The following ARG1 variants were observed in gnomAD, a reference collection of about 807,000 sequenced individuals.
ARG1 encodes arginase-1.
A neutral mutation model predicts 33.0 loss-of-function variants in ARG1; 20 were observed. The ratio of observed to expected loss-of-function variants is 0.61; its 90% CI spans 0.43 to 0.88. The LOEUF (loss-of-function observed/expected upper bound fraction) is 0.88. Ranked by LOEUF, ARG1 falls within the 40% of genes least tolerant of loss-of-function variation. The probability of loss-of-function intolerance (pLI) is 0.00; values close to 1 mark genes in which losing one functional copy is unlikely to be tolerated. For synonymous variants in ARG1, 146 were observed against 140.6 expected, an observed-to-expected ratio of 1.04 and a Z score of -0.27; for missense variants, 374 against 384.7, an observed-to-expected ratio of 0.97 and a Z score of 0.23.
In ARG1 at chr6:131,573,289, G is replaced by C. The variant is rs558377642; in HGVS notation, c.7G>C (p.Ala3Pro). Reference sequence around the variant, plus strand: ...CAAAGAGAAGTGTCAGAGCATGAGCGCCAAGTCCAGAACCATAGGGATTAT... The same window carrying C: ...CAAAGAGAAGTGTCAGAGCATGAGCCCCAAGTCCAGAACCATAGGGATTAT... MS[A>P]KSRTIGIIGA... The change falls in exon 1 of 8, where the codon GCC becomes CCC. Residue 3 changes from alanine (A) to proline (P), a missense_variant. Physicochemically the swap from Ala to Pro is conservative, Grantham distance 27. Transcript: ENST00000368087. The C allele has an allele frequency of 8.1e-6, 13 of 1,613,978 alleles. No individual in the cohort carries two copies. In the African/African-American group the frequency reaches 1.6e-4, roughly 20 times the overall value.
chr6:131,579,040 T>G, intron 2 of ARG1, 71 bp from the exon 3 acceptor site: 7 of 1,537,514 alleles, frequency 4.6e-6, no homozygotes, highest in African/African-American at 1.4e-5. Context: ...TTTATACAAT[T>G]GAGATCATCC....
intron 7 of ARG1, 121 bp from the exon 8 acceptor site, chr6:131,583,621 T>G: frequency 6.6e-7 from 1 of 1,514,104 alleles, no homozygotes; most frequent in Non-Finnish European, 9.1e-7. Context: ...ATGCAATAAC[T>G]AAAGTGTTTT....
At position 131,582,656 on chromosome 6, in the gene ARG1, C is replaced by A. The variant is rs1773988131; in HGVS notation, c.501C>A (p.Pro167=). The A allele has an allele frequency of 6.2e-7, 1 of 1,613,764 alleles. No homozygotes were observed. The highest frequency in any genetic ancestry group is 1.7e-5 in the Admixed American group (1 of 59,986). ...TGCCAGGATTCTCCTGGGTGACTCC[C>A]TGTATATCTGCCAAGGATATTGTGT... The part of the protein sequence containing the change: ...PDVPGFSWVT[P]CISAKDIVYI... Residue 167 remains proline (P), a synonymous_variant, in exon 5 of 8, where the codon CCC becomes CCA. Coordinates refer to ENST00000368087, the MANE Select transcript of ARG1 (RefSeq NM_000045.4).
intron 3 of ARG1, 24 bp from the exon 4 acceptor site, chr6:131,581,195 C>T: frequency 6.2e-7 from 1 of 1,613,114 alleles, no homozygotes; most frequent in Non-Finnish European, 8.5e-7. Context: ...ACCTGATGTT[C>T]ACACAAAATT....
intron 4 of ARG1, 43 bp from the exon 5 acceptor site, chr6:131,582,578 C>A: frequency 6.8e-7 from 1 of 1,477,370 alleles, no homozygotes; most frequent in South Asian, 1.1e-5. Flanking sequence ...AGGATTTGTT[C>A]AAGAGAATCA....
chr6:131,577,532 C>A (rs1353705440), intron 2 of ARG1, among the ~76,000 whole-genome samples: 1 of 152,004 alleles, frequency 6.6e-6, no homozygotes, highest in Non-Finnish European at 1.5e-5. Flanking sequence ...ATGGAAACAG[C>A]AAAATGCCCA....
chr6:131,583,534 G>T, intron 7 of ARG1, 43 bp downstream of exon 7: 1 of 1,594,612 alleles, frequency 6.3e-7, no homozygotes, highest in South Asian at 1.1e-5. Flanking sequence ...GTGTACACTT[G>T]ACTAATATAT....
In ARG1 at chr6:131,583,485, A is replaced by G. The variant is rs776782905; in HGVS notation, c.796A>G (p.Lys266Glu). ...EGLYITEEIYKTGLLSGLDIM... is the reference protein window; with the variant it reads ...EGLYITEEIYETGLLSGLDIM... Reference sequence around the variant, plus strand: ...TCTCTACATCACAGAAGAAATCTACAAAACAGGTAGTTAACAATCTGAGGT... The same window carrying G: ...TCTCTACATCACAGAAGAAATCTACGAAACAGGTAGTTAACAATCTGAGGT... Residue 266 changes from lysine to glutamate, a missense_variant, in exon 7 of 8, where the codon AAA becomes GAA. Transcript: ENST00000368087. 4 of 1,614,116 alleles carry G rather than the reference A, an allele frequency of 2.5e-6. No individual in the cohort carries two copies. Among genetic ancestry groups the G allele is most frequent in the Non-Finnish European group, 3.4e-6 (4 of 1,179,974 alleles).
intron 2 of ARG1, among the ~76,000 whole-genome samples, chr6:131,578,352 A>G (rs528045807): frequency 5.9e-5 from 9 of 152,326 alleles, no homozygotes; most frequent in African/African-American, 1.9e-4. Context: ...AACAAATACC[A>G]TATTTAATGG....
intron 3 of ARG1, 79 bp downstream of exon 3, chr6:131,579,364 A>G (rs1046920470): frequency 1.3e-6 from 2 of 1,514,152 alleles, no homozygotes; most frequent in Non-Finnish European, 1.8e-6. Flanking sequence ...AAAATTTAGA[A>G]ATATAGACAG....
In ARG1 at chr6:131,584,053, T is replaced by C. The variant is rs1774079388; in HGVS notation, c.*145T>C. ...TAGTATAAACTCTACAAATTCCCTC[T>C]TGGTGTAAAATTCAAGATGTGGAAA... On this transcript the variant is annotated 3_prime_UTR_variant, in exon 8 of 8. Transcript: ENST00000368087. 1 of 920,152 alleles carries C rather than the reference T, an allele frequency of 1.1e-6. No individual in the cohort carries two copies. The highest frequency in any genetic ancestry group is 3.1e-5 in the Admixed American group (1 of 32,020). The allele number at this position is 920,152 out of a possible 1,614,324, so 57.0% of individuals were successfully genotyped here.
Position 131,581,332 on chromosome 6 carries a change from T to C in ARG1, c.419T>C (p.Leu140Ser). The change falls in exon 4 of 8, where the codon TTG becomes TCG. Residue 140 changes from leucine (L) to serine (S), a missense_variant. Coordinates refer to ENST00000368087, the MANE Select transcript of ARG1 (RefSeq NM_000045.4). ...CCACTGACAACCACAAGTGGAAACT[T>C]GCATGGACAACCTGTATCTTTCCTC... Reference protein sequence around the residue: ...NTPLTTTSGNLHGQPVSFLLK... With the variant: ...NTPLTTTSGNSHGQPVSFLLK... 11 of 1,613,880 alleles carry C rather than the reference T, an allele frequency of 6.8e-6. No individual in the cohort carries two copies. The highest frequency in any genetic ancestry group is 2.2e-5 in the East Asian group (1 of 44,868).
In ARG1 at chr6:131,583,399, A is replaced by T; in HGVS notation, c.710A>T (p.Asp237Val). Reference sequence around the variant, plus strand: ...CTAAGTTTTGATGTTGACGGACTGGACCCATCTTTCACACCAGCTACTGGC... The same window carrying T: ...CTAAGTTTTGATGTTGACGGACTGGTCCCATCTTTCACACCAGCTACTGGC... ...IHLSFDVDGL[D>V]PSFTPATGTP... The change falls in exon 7 of 8, where the codon GAC becomes GTC. Residue 237 changes from aspartate (D) to valine (V), a missense_variant. Coordinates refer to ENST00000368087, the MANE Select transcript of ARG1 (RefSeq NM_000045.4). The T allele has an allele frequency of 6.2e-7, 1 of 1,614,154 alleles. No individual in the cohort carries two copies. The highest frequency in any genetic ancestry group is 2.2e-5 in the East Asian group (1 of 44,876).
In ARG1 at chr6:131,584,032, A is replaced by G. The variant is rs1174907667; in HGVS notation, c.*124A>G. The G allele has an allele frequency of 6.3e-6, 7 of 1,105,552 alleles. No homozygotes were observed. The Admixed American group carries it at 1.6e-4, about 25-fold the overall frequency. The allele number at this position is 1,105,552 out of a possible 1,614,324, so 68.5% of individuals were successfully genotyped here. ...TCAGAAAAATGTTTTTCCAATTAGT[A>G]TAAACTCTACAAATTCCCTCTTGGT... On this transcript the variant is annotated 3_prime_UTR_variant, in exon 8 of 8. Transcript: ENST00000368087.
intron 1 of ARG1, among the ~76,000 whole-genome samples, chr6:131,573,698 A>G (rs992502507): frequency 3.3e-5 from 5 of 152,186 alleles, no homozygotes; most frequent in African/African-American, 1.2e-4. Flanking sequence ...GTGTATGTAG[A>G]GGAAGAGAGA....
At chr6:131,579,028 A>G in intron 2 of ARG1, 83 bp from the exon 3 acceptor site, 1 of 1,494,466 alleles carries the variant, frequency 6.7e-7, no homozygotes, top group Non-Finnish European at 9.2e-7. Context: ...ATATATGCCT[A>G]TTTTATACAA....
chr6:131,574,706 A>G (rs2114511976), intron 1 of ARG1, among the ~76,000 whole-genome samples: 1 of 152,298 alleles, frequency 6.6e-6, no homozygotes, highest in African/African-American at 2.4e-5. Context: ...ACAAATAAGC[A>G]AAAGGAAAGG....
At chr6:131,579,514 T>C (rs1470174078) in intron 3 of ARG1, 5 of 418,108 alleles carry the variant, frequency 1.2e-5, no homozygotes, top group Non-Finnish European at 2.1e-5. Context: ...AGAAAATGTA[T>C]GAAATATGAA....
chr6:131,584,074 G>A lies in ARG1; in HGVS notation c.*166G>A. 1.3e-6 allele frequency: 1 copy of A among 780,142 alleles called. No homozygotes were observed. Among genetic ancestry groups the A allele is most frequent in the Non-Finnish European group, 2.0e-6 (1 of 512,258 alleles). The allele number at this position is 780,142 out of a possible 1,614,324, so 48.3% of individuals were successfully genotyped here. On this transcript the variant is annotated 3_prime_UTR_variant, in exon 8 of 8. Transcript: ENST00000368087. ...CCTCTTGGTGTAAAATTCAAGATGT[G>A]GAAATTCTAACTTTTTTGAAATTTA...
Sources: allele counts gnomAD v4.1 joint callset (sites outside exome capture counted in the v4.1 genomes callset), GRCh38; gene constraint gnomAD v4.1.1; transcripts MANE v1.5; gene names NCBI Gene and HGNC (gene_info 2026-07-23, HGNC 2026-07-21).